Variants in SLC24A4 observed in about 807,000 individuals in gnomAD.
SLC24A4 encodes the protein solute carrier family 24 member 4, also known as sodium/potassium/calcium exchanger 4.
Under a neutral mutation model 79.0 loss-of-function variants are expected in SLC24A4, and 53 were observed. The observed-to-expected ratio is 0.67, with a 90% CI of 0.54 to 0.84. The LOEUF (loss-of-function observed/expected upper bound fraction) is 0.84. Among genes scored for constraint, SLC24A4 ranks in the 40% least tolerant of loss-of-function variants. SLC24A4 has a pLI of 0.00. For synonymous variants in SLC24A4, 323 were observed against 323.8 expected (o/e 1.00, Z 0.03); for missense variants, 731 against 822.0 (o/e 0.89, Z 1.35).
intron 13 of SLC24A4, among the ~76,000 whole-genome samples, chr14:92,485,544 T>C (rs1265395213): frequency 6.6e-6 from 1 of 152,124 alleles, no homozygotes; most frequent in Non-Finnish European, 1.5e-5. Context: ...GTGCCTTAAG[T>C]GAATTGGATT....
intron 2 of SLC24A4, among the ~76,000 whole-genome samples, chr14:92,423,998 C>T (rs1465321241): frequency 6.6e-6 from 1 of 152,130 alleles, no homozygotes; most frequent in African/African-American, 2.4e-5. Flanking sequence ...AAATCTGTTC[C>T]AGGCCTCTCT....
chr14:92,382,304 G>GTCCA (rs1371340525), intron 2 of SLC24A4, among the ~76,000 whole-genome samples: 2 of 152,140 alleles, frequency 1.3e-5, no homozygotes, highest in African/African-American at 4.8e-5. Context: ...TGGCTCTGAA[G>GTCCA]TCAGAACAGC....
At chr14:92,435,851 C>T (rs1892136020) in intron 3 of SLC24A4, among the ~76,000 whole-genome samples, 3 of 152,192 alleles carry the variant, frequency 2.0e-5, no homozygotes, top group Admixed American at 2.0e-4. Flanking sequence ...GCTTTACACT[C>T]CTCCCCTTTC....
At chr14:92,465,560 C>T (rs1486081974) in intron 12 of SLC24A4, among the ~76,000 whole-genome samples, 1 of 152,154 alleles carries the variant, frequency 6.6e-6, no homozygotes, top group Non-Finnish European at 1.5e-5. Context: ...GGGATCGGCA[C>T]CAGCCGAGGG....
chr14:92,346,944 C>G (rs1470709328), intron 2 of SLC24A4, among the ~76,000 whole-genome samples: 1 of 152,138 alleles, frequency 6.6e-6, no homozygotes, highest in Non-Finnish European at 1.5e-5. Flanking sequence ...TACCCCTGTG[C>G]TATGGGGCTG....
Position 92,372,916 on chromosome 14 carries a change from C to T in SLC24A4, c.241+46938C>T, listed in dbSNP as rs866479191. On this transcript the variant is annotated intron_variant, in intron 2 of 16. Transcript: ENST00000532405. The stretch of plus-strand genomic sequence containing the variant: ...TCCTTCCTTCCTTCCTTCCTTCCTT[C>T]CTTTCTTTCTCTTTCTTTCTTTTTC... 2.0e-3 allele frequency among the ~76,000 whole-genome samples: 227 copies of T among 113,116 alleles called. 4 individuals are homozygous for T. Among genetic ancestry groups the T allele is most frequent in the African/African-American group, 5.8e-3 (170 of 29,236 alleles). 74.2% of individuals were successfully genotyped at this position (113,116 alleles called of 152,430 possible).
At chr14:92,339,609 G>T (rs753403701) in intron 2 of SLC24A4, among the ~76,000 whole-genome samples, 2 of 152,202 alleles carry the variant, frequency 1.3e-5, no homozygotes, top group Non-Finnish European at 2.9e-5. Flanking sequence ...TAGGCGGAGG[G>T]TCCCCCTGGC....
At chr14:92,426,604 T>G (rs1891578870) in intron 2 of SLC24A4, among the ~76,000 whole-genome samples, 1 of 152,200 alleles carries the variant, frequency 6.6e-6, no homozygotes, top group South Asian at 2.1e-4. Context: ...GATTTTAAAC[T>G]CCTTCTCATG....
chr14:92,487,971 C>G (rs1415444850), intron 14 of SLC24A4, among the ~76,000 whole-genome samples: 1 of 146,224 alleles, frequency 6.8e-6, no homozygotes, highest in Non-Finnish European at 1.5e-5. Flanking sequence ...CGACTTCCTC[C>G]TCCTGCTCCT....
At chr14:92,411,357 G>A (rs1890698576) in intron 2 of SLC24A4, among the ~76,000 whole-genome samples, 1 of 151,894 alleles carries the variant, frequency 6.6e-6, no homozygotes, top group South Asian at 2.1e-4. Context: ...GGGTTGAGAA[G>A]CCCAGCCAGA....
At chr14:92,454,250 G>C (rs752501946) in intron 11 of SLC24A4, among the ~76,000 whole-genome samples, 181 bp downstream of exon 11, 3 of 152,196 alleles carry the variant, frequency 2.0e-5, no homozygotes, top group Non-Finnish European at 4.4e-5. Flanking sequence ...ATATTTTAAA[G>C]CCTGCAGCAA....
At chr14:92,486,863 T>C (rs1379147687) in intron 14 of SLC24A4, 83 bp downstream of exon 14, 14 of 951,752 alleles carry the variant, frequency 1.5e-5, no homozygotes, top group East Asian at 5.4e-5. Context: ...GTTGACCAAG[T>C]TGTGGCTCTT....
intron 2 of SLC24A4, among the ~76,000 whole-genome samples, chr14:92,334,318 A>G (rs1381963814): frequency 6.6e-6 from 1 of 152,166 alleles, no homozygotes; most frequent in African/African-American, 2.4e-5. Context: ...TTCTTGGGGA[A>G]ACTGTCACCA....
At chr14:92,364,349 C>T (rs1386100762) in intron 2 of SLC24A4, among the ~76,000 whole-genome samples, 5 of 152,024 alleles carry the variant, frequency 3.3e-5, no homozygotes, top group African/African-American at 1.2e-4. Context: ...GGGGGCAGAG[C>T]AGGGTGGGAA....
In SLC24A4 at chr14:92,493,681, T is replaced by C. The variant is rs4904942; in HGVS notation, c.*53T>C. The stretch of plus-strand genomic sequence containing the variant: ...TCTGGACACCCTGTGACACTGGCGT[T>C]CTCCTCTCCCCTCCTTCCCCCACCA... On this transcript the variant is annotated 3_prime_UTR_variant, in exon 17 of 17. Transcript: ENST00000532405. 1,592,616 of 1,592,638 alleles carry C rather than the reference T, an allele frequency of 1. 796,297 individuals are homozygous for C. The highest frequency in any genetic ancestry group is 1 in the Middle Eastern group (5,456 of 5,456).
chr14:92,387,334 G>A (rs1256988907), intron 2 of SLC24A4, among the ~76,000 whole-genome samples: 1 of 151,934 alleles, frequency 6.6e-6, no homozygotes, highest in Non-Finnish European at 1.5e-5. Context: ...CCACCACCAC[G>A]CCCGGCTAAT....
In SLC24A4 at chr14:92,336,023, G is replaced by A. The variant is rs562873291; in HGVS notation, c.241+10045G>A. On this transcript the variant is annotated intron_variant, in intron 2 of 16. Coordinates refer to ENST00000532405, the MANE Select transcript of SLC24A4 (RefSeq NM_153646.4). ...TTTTTTTGGCCTCATCCAAATGATCGGGGCTATCTGCTTGCCATCTCTTCT... is the reference window on the plus strand; with the variant it reads ...TTTTTTTGGCCTCATCCAAATGATCAGGGCTATCTGCTTGCCATCTCTTCT... Among the ~76,000 whole-genome samples, 75 of 152,134 alleles carry A rather than the reference G, an allele frequency of 4.9e-4. 1 individual carries two copies. Among genetic ancestry groups the A allele is most frequent in the African/African-American group, 1.8e-3 (74 of 41,470 alleles).
At chr14:92,484,999 C>A (rs1895275264) in intron 13 of SLC24A4, 1 of 676,058 alleles carries the variant, frequency 1.5e-6, no homozygotes, top group Non-Finnish European at 1.8e-6. Context: ...CTTGTTCAAG[C>A]ATTGTGATTT....
At chr14:92,333,162 C>T (rs6575247) in intron 2 of SLC24A4, among the ~76,000 whole-genome samples, 140,244 of 152,048 alleles carry the variant, frequency 0.92, 65,587 homozygotes, top group East Asian at 1. Context: ...GGTGCGATCT[C>T]GGCTCACTGC....
Sources: gnomAD v4.1 joint callset for allele counts (sites outside exome capture counted in the v4.1 genomes callset) on GRCh38, gnomAD v4.1.1 for gene constraint, MANE v1.5 for transcripts, NCBI Gene and HGNC (gene_info 2026-07-23, HGNC 2026-07-21) for gene names.